Variants in MYH15 observed in about 807,000 individuals in gnomAD.
The protein encoded by MYH15 is myosin-15.
Under a neutral mutation model 240.5 loss-of-function variants are expected in MYH15, and 227 were observed. The observed-to-expected ratio is 0.94, with a 90% CI of 0.85 to 1.05. MYH15 has a LOEUF of 1.05. Among genes scored for constraint, MYH15 ranks in the 50% least tolerant of loss-of-function variants. MYH15 has a pLI of 0.00. For missense variants in MYH15, 2,217 were observed against 2,247.5 expected, an observed-to-expected ratio of 0.99 and a Z score of 0.27; for synonymous variants, 785 against 796.7, an observed-to-expected ratio of 0.99 and a Z score of 0.25.
rs192712181 is a variant in MYH15, at chr3:108,479,148, A to G, written c.1115-2633T>C. On this transcript the variant is annotated intron_variant, in intron 11 of 40. Coordinates refer to ENST00000693548, the MANE Select transcript of MYH15 (RefSeq NM_014981.3). ...AAATCTATGACTAAATGCCCATCTG[A>G]CATTCAGGAACTACTGTTGTAAAGA... 2.2e-3 allele frequency among the ~76,000 whole-genome samples: 341 copies of G among 152,348 alleles called. 2 individuals are homozygous for G. The highest frequency in any genetic ancestry group is 1.6e-3 in the Non-Finnish European group (108 of 68,028).
At chr3:108,450,913 T>C (rs2082968074) in intron 21 of MYH15, among the ~76,000 whole-genome samples, 1 of 152,094 alleles carries the variant, frequency 6.6e-6, no homozygotes, top group Non-Finnish European at 1.5e-5. Context: ...CAGAAATTAA[T>C]GATCTAGAAA....
intron 29 of MYH15, among the ~76,000 whole-genome samples, chr3:108,416,395 C>T (rs1340851633): frequency 6.6e-6 from 1 of 152,178 alleles, no homozygotes; most frequent in Non-Finnish European, 1.5e-5. Context: ...CTTCTAGCAA[C>T]ATTATACACT....
intron 4 of MYH15, among the ~76,000 whole-genome samples, chr3:108,499,830 C>G: frequency 6.6e-6 from 1 of 152,152 alleles, no homozygotes; most frequent in East Asian, 1.9e-4. Flanking sequence ...ATAGAAGATG[C>G]TGTATATAAT....
Position 108,389,024 on chromosome 3 carries a change from C to T in MYH15, c.5481G>A (p.Glu1827=). The T allele has an allele frequency of 2.5e-6, 4 of 1,613,852 alleles. No individual in the cohort carries two copies. Among genetic ancestry groups the T allele is most frequent in the Non-Finnish European group, 3.4e-6 (4 of 1,179,846 alleles). The part of the protein sequence containing the change: ...ELEGEIRRSA[E]AQRGARRLER... Reference sequence around the variant, plus strand: ...CAAGTCTGCGGGCTCCCCTCTGGGCCTCTGCACTGCGACGGATTTCACCCT... The same window carrying T: ...CAAGTCTGCGGGCTCCCCTCTGGGCTTCTGCACTGCGACGGATTTCACCCT... Residue 1827 remains glutamate, a synonymous_variant, in exon 38 of 41, where the codon GAG becomes GAA. Coordinates refer to ENST00000693548, the MANE Select transcript of MYH15 (RefSeq NM_014981.3).
Position 108,391,771 on chromosome 3 carries a change from G to C in MYH15, c.5419C>G (p.Leu1807Val), listed in dbSNP as rs200687966. ...LMGSRKQIQK[L>V]ESRVRELEGE... ...ACCCAGACTCCTACCCTGGATTCTA[G>C]TTTCTGGATTTGCTTTCTACTCCCC... is the stretch of plus-strand genomic sequence containing the variant. Residue 1807 changes from leucine (L) to valine (V), a missense_variant, in exon 37 of 41, where the codon CTA becomes GTA. Transcript: ENST00000693548. The C allele has an allele frequency of 2.0e-4, 326 of 1,613,648 alleles. No homozygotes were observed. The African/African-American group carries it at 3.9e-3, about 19-fold the overall frequency.
At chr3:108,494,835 T>C (rs895800154) in intron 7 of MYH15, among the ~76,000 whole-genome samples, 1 of 152,146 alleles carries the variant, frequency 6.6e-6, no homozygotes, top group Admixed American at 6.6e-5. Flanking sequence ...CTTCCTTTTA[T>C]TTTTTTCCTT....
chr3:108,447,899 C>T, intron 21 of MYH15, among the ~76,000 whole-genome samples: 1 of 151,968 alleles, frequency 6.6e-6, no homozygotes, highest in East Asian at 1.9e-4. Context: ...AAAACTATAG[C>T]TATAATAACT....
At chr3:108,548,892 T>C in the MYH15 span, among the ~76,000 whole-genome samples, 1 of 152,100 alleles carries the variant, frequency 6.6e-6, no homozygotes, top group Non-Finnish European at 1.5e-5. Context: ...AATATATAAG[T>C]AAATAGACCC....
rs2083167380 is a variant in MYH15, at chr3:108,470,797, A to T, written c.1284T>A (p.Phe428Leu). ...ALSKSMYERMFKWLVARINRA... is the reference protein window; with the variant it reads ...ALSKSMYERMLKWLVARINRA... ...TGTTGATCCGTGCCACTAGCCACTT[A>T]AACATCCTTTCATACATTGACTTGG... Residue 428 changes from phenylalanine to leucine, a missense_variant, in exon 13 of 41, where the codon TTT becomes TTA. Phe to Leu is a conservative substitution (Grantham distance 22). Transcript: ENST00000693548. 3 of 1,613,776 alleles carry T rather than the reference A, an allele frequency of 1.9e-6. No homozygotes were observed. In the African/African-American group the frequency reaches 4.0e-5, roughly 22 times the overall value.
intron 12 of MYH15, among the ~76,000 whole-genome samples, chr3:108,472,292 C>A (rs976792216): frequency 2.0e-5 from 3 of 152,144 alleles, no homozygotes; most frequent in African/African-American, 7.2e-5. Flanking sequence ...TTTTAGCTGG[C>A]CATTCTCCAA....
At chr3:108,402,254 T>C (rs1301579008) in intron 33 of MYH15, among the ~76,000 whole-genome samples, 4 of 152,210 alleles carry the variant, frequency 2.6e-5, no homozygotes. Flanking sequence ...GAGAAAAGAT[T>C]TGAGCATATT....
intron 1 of MYH15, among the ~76,000 whole-genome samples, chr3:108,518,680 C>A (rs974890205): frequency 1.3e-5 from 2 of 152,224 alleles, no homozygotes; most frequent in African/African-American, 4.8e-5. Context: ...ACTCTCTGAC[C>A]TCTGGGTGTT....
chr3:108,492,235 CCTCTGCTG>C (rs67882519), intron 9 of MYH15, among the ~76,000 whole-genome samples: 35,491 of 150,538 alleles, frequency 0.24, 4,716 homozygotes, highest in Non-Finnish European at 0.3. Flanking sequence ...CACTCACTCA[CCTCTGCTG>C]GGCATCCTAC....
At chr3:108,483,052 A>G (rs2083278629) in intron 11 of MYH15, among the ~76,000 whole-genome samples, 1 of 151,790 alleles carries the variant, frequency 6.6e-6, no homozygotes, top group Non-Finnish European at 1.5e-5. Flanking sequence ...AAATTAGCCC[A>G]GTGTAGTGGT....
intron 14 of MYH15, among the ~76,000 whole-genome samples, chr3:108,468,313 G>T (rs559693067): frequency 6.6e-6 from 1 of 152,240 alleles, no homozygotes; most frequent in East Asian, 1.9e-4. Context: ...TTTATGTAAT[G>T]AAAATCCTTT....
At chr3:108,550,353 A>T in the MYH15 span, 1 of 151,750 alleles carries the variant, frequency 6.6e-6, no homozygotes, top group African/African-American at 2.4e-5. Context: ...GCAAGAGTAG[A>T]ATCCAAATTA....
At chr3:108,542,669 C>A in the MYH15 span, among the ~76,000 whole-genome samples, 1 of 152,106 alleles carries the variant, frequency 6.6e-6, no homozygotes, top group African/African-American at 2.4e-5. Context: ...AGGCCCAGCA[C>A]CTATTAGCTA....
upstream of MYH15, among the ~76,000 whole-genome samples, chr3:108,511,087 C>T (rs2083519427): frequency 6.6e-6 from 1 of 152,006 alleles, no homozygotes; most frequent in African/African-American, 2.4e-5. Flanking sequence ...GATGGAGAAA[C>T]ATCAAGTTGC....
chr3:108,397,129 C>A (rs1560315201), intron 35 of MYH15, among the ~76,000 whole-genome samples: 1 of 152,212 alleles, frequency 6.6e-6, no homozygotes, highest in Admixed American at 6.5e-5. Flanking sequence ...AAATGCAAAT[C>A]TGATAACTTC....
Sources: gnomAD v4.1 joint callset for allele counts (sites outside exome capture counted in the v4.1 genomes callset) on GRCh38, gnomAD v4.1.1 for gene constraint, MANE v1.5 for transcripts, NCBI Gene and HGNC (gene_info 2026-07-23, HGNC 2026-07-21) for gene names.